STAP2: variants seen among roughly 807,000 people sequenced by gnomAD.
The protein encoded by STAP2 is signal-transducing adaptor protein 2.
A neutral mutation model predicts 52.7 loss-of-function variants in STAP2; 58 were observed. The ratio of observed to expected loss-of-function variants is 1.10; its 90% confidence interval spans 0.89 to 1.37. The LOEUF is 1.37. Among genes scored for constraint, STAP2 ranks in the 40% most tolerant of loss-of-function variants. STAP2 has a pLI of 0.00. For missense variants in STAP2, 522 were observed against 519.4 expected (o/e 1.00, Z -0.05); for synonymous variants, 231 against 210.5 (o/e 1.10, Z -0.84).
rs1234065277 is a variant in STAP2 at position 4,328,820 on chromosome 19, C to T, written c.456-11G>A. The T allele has an allele frequency of 2.5e-6, 4 of 1,604,732 alleles. No homozygotes were observed. Among genetic ancestry groups the T allele is most frequent in the African/African-American group, 2.7e-5 (2 of 74,728 alleles). On this transcript the variant is annotated splice_polypyrimidine_tract_variant and intron_variant, in intron 5 of 12. Coordinates refer to ENST00000594605, the MANE Select transcript of STAP2 (RefSeq NM_001013841.2). The stretch of plus-strand genomic sequence containing the variant: ...ACCTTCAGGAAGCACCTGTGGCGGG[C>T]CGCGTCACCCACTCGGGACCCCGGA...
intron 1 of STAP2, among the ~76,000 whole-genome samples, chr19:4,337,605 G>C (rs887119222): frequency 6.7e-6 from 1 of 149,810 alleles, no homozygotes. Flanking sequence ...CCAGCATTTA[G>C]AGAGGCCGAG....
intron 1 of STAP2, among the ~76,000 whole-genome samples, chr19:4,335,482 A>G (rs560537059): frequency 6.6e-6 from 1 of 151,252 alleles, no homozygotes; most frequent in African/African-American, 2.4e-5. Flanking sequence ...ATCCACCCAC[A>G]CATCCTCTCA....
intron 6 of STAP2, among the ~76,000 whole-genome samples, chr19:4,328,008 T>A (rs113710986): frequency 0.019 from 2,876 of 151,922 alleles, 67 homozygotes; most frequent in African/African-American, 0.054. Flanking sequence ...TTTGACTTCA[T>A]CCCCTCCAGT....
At chr19:4,335,153 ATCATCCATCCACCTAC>A (rs1417530048) in intron 1 of STAP2, among the ~76,000 whole-genome samples, 2 of 135,912 alleles carry the variant, frequency 1.5e-5, no homozygotes, top group African/African-American at 5.7e-5. Context: ...GCATCCCTCC[ATCATCCATCCACCTAC>A]TCATCCATCC....
rs1971839557 is a variant in STAP2 at position 4,328,741 on chromosome 19, A to G, written c.524T>C (p.Leu175Pro). 2.5e-6 allele frequency: 4 copies of G among 1,609,862 alleles called. No individual in the cohort carries two copies. Among genetic ancestry groups the G allele is most frequent in the Non-Finnish European group, 3.4e-6 (4 of 1,178,850 alleles). ...LLERYPECGN[L>P]LLRPSGDGAD... ...GCCGTCCCCGCTGGGCCGCAGCAGC[A>G]GGTTCCCGCACTCGGGGTAGCGCTC... The change falls in exon 6 of 13, where the codon CTG becomes CCG. Residue 175 changes from leucine to proline, a missense_variant. Coordinates refer to ENST00000594605, the MANE Select transcript of STAP2 (RefSeq NM_001013841.2).
At chr19:4,332,161 T>C (rs1971902318) in intron 3 of STAP2, 83 bp from the exon 4 acceptor site, 3 of 1,044,464 alleles carry the variant, frequency 2.9e-6, no homozygotes, top group Non-Finnish European at 4.1e-6. Flanking sequence ...GAAGAGTCCC[T>C]GCTTCAAAGG....
chr19:4,330,768 G>A (rs554089126), intron 4 of STAP2, among the ~76,000 whole-genome samples: 2 of 141,890 alleles, frequency 1.4e-5, no homozygotes, highest in Non-Finnish European at 3.0e-5. Context: ...AAGCTGGAGT[G>A]CAGTGGCGCG....
intron 3 of STAP2, 118 bp from the exon 4 acceptor site, chr19:4,332,196 C>CTTTTTTTTTTTTTTTTT (rs58828365): frequency 1.4e-5 from 3 of 218,764 alleles, no homozygotes; most frequent in Admixed American, 1.2e-4. Context: ...TCTTTTTCTT[C>CTTTTTTTTTTTTTTTTT]TTTTTTTTTT....
At chr19:4,328,641 T>TC in intron 6 of STAP2, 34 bp downstream of exon 6, 1 of 732,142 alleles carries the variant, frequency 1.4e-6, no homozygotes, top group Non-Finnish European at 2.2e-6. Flanking sequence ...CCCACCCTCC[T>TC]CCCACCCAGG....
Position 4,329,954 on chromosome 19 carries a change from C to A in STAP2, c.455+7G>T, listed in dbSNP as rs765854413. On this transcript the variant is annotated splice_region_variant and intron_variant, in intron 5 of 12. Coordinates refer to ENST00000594605, the MANE Select transcript of STAP2 (RefSeq NM_001013841.2). ...CTGCAGCCCCTCGGGACAGGCGGGA[C>A]ACTCACGAGGGTGTCTCCAGTGCAC... 1 of 1,611,482 alleles carries A rather than the reference C, an allele frequency of 6.2e-7. No individual in the cohort carries two copies. Among genetic ancestry groups the A allele is most frequent in the South Asian group, 1.1e-5 (1 of 90,992 alleles).
chr19:4,328,935 T>A, intron 5 of STAP2, 126 bp from the exon 6 acceptor site: 1 of 1,335,596 alleles, frequency 7.5e-7, no homozygotes, highest in South Asian at 1.5e-5. Flanking sequence ...CCTGCCCTGC[T>A]CTCCAGACCC....
At position 4,326,928 on chromosome 19, in the gene STAP2, G is replaced by T; in HGVS notation, c.829+14C>A. On this transcript the variant is annotated intron_variant, in intron 9 of 12. Coordinates refer to ENST00000594605, the MANE Select transcript of STAP2 (RefSeq NM_001013841.2). ...CGATCCCTCCCACCTCGGCCCGCGG[G>T]AAGGGGGCGTCACCTGGGCCCGGAG... is the stretch of plus-strand genomic sequence containing the variant. The T allele has an allele frequency of 6.4e-7, 1 of 1,551,100 alleles. No individual in the cohort carries two copies. The highest frequency in any genetic ancestry group is 8.7e-7 in the Non-Finnish European group (1 of 1,146,886).
At chr19:4,335,676 G>A (rs761490377) in intron 1 of STAP2, among the ~76,000 whole-genome samples, 2 of 152,136 alleles carry the variant, frequency 1.3e-5, no homozygotes, top group Admixed American at 6.6e-5. Context: ...ATTAAACACT[G>A]TATTGCTTCA....
At chr19:4,332,849 A>G (rs1328319192) in intron 3 of STAP2, among the ~76,000 whole-genome samples, 1 of 150,598 alleles carries the variant, frequency 6.6e-6, no homozygotes, top group Non-Finnish European at 1.5e-5. Flanking sequence ...TAAATAAAAT[A>G]AAATAATAGA....
chr19:4,333,903 A>G (rs1341478963), intron 2 of STAP2, 70 bp downstream of exon 2: 1 of 1,611,440 alleles, frequency 6.2e-7, no homozygotes, highest in Non-Finnish European at 8.5e-7. Context: ...TGACCACACC[A>G]TCTACATTGT....
rs994155393 is a variant in STAP2, at chr19:4,338,557, GC to G, written c.102+94del. ...TCCTGCCCCATCCAGCACCCACCCC[GC>G]CCCCCCTTGGCGAGTGGGGAGACAG... On this transcript the variant is annotated intron_variant, in intron 1 of 12. Coordinates refer to ENST00000594605, the MANE Select transcript of STAP2 (RefSeq NM_001013841.2). 5.7e-5 allele frequency: 13 copies of G among 226,694 alleles called. 1 individual carries two copies. The highest frequency in any genetic ancestry group is 1.4e-4 in the East Asian group (1 of 6,966). The allele number at this position is 226,694 out of a possible 1,614,324, so 14.0% of individuals were successfully genotyped here.
chr19:4,331,793 G>T (rs1254048064), intron 4 of STAP2, among the ~76,000 whole-genome samples: 1 of 152,022 alleles, frequency 6.6e-6, no homozygotes, highest in Non-Finnish European at 1.5e-5. Context: ...TTAGCCGGGC[G>T]TGGTGGCGGG....
chr19:4,326,525 C>T (rs1971794917), intron 9 of STAP2, among the ~76,000 whole-genome samples: 1 of 152,142 alleles, frequency 6.6e-6, no homozygotes, highest in South Asian at 2.1e-4. Context: ...CACCCGGATT[C>T]TCGGTCCCTG....
In STAP2 at chr19:4,327,017, A is replaced by G. The variant is rs1348003699; in HGVS notation, c.764-10T>C. 2 of 1,571,658 alleles carry G rather than the reference A, an allele frequency of 1.3e-6. No individual in the cohort carries two copies. Among genetic ancestry groups the G allele is most frequent in the East Asian group, 2.4e-5 (1 of 42,268 alleles). On this transcript the variant is annotated splice_polypyrimidine_tract_variant and intron_variant, in intron 8 of 12. Coordinates refer to ENST00000594605, the MANE Select transcript of STAP2 (RefSeq NM_001013841.2). ...TCGGCTTCCACGTAGCCTGGAACAG[A>G]GAGGGCGGCCTGGAGGAAGCGCGGC...
Sources: allele counts gnomAD v4.1 joint callset (sites outside exome capture counted in the v4.1 genomes callset), GRCh38; gene constraint gnomAD v4.1.1; transcripts MANE v1.5; gene names NCBI Gene and HGNC (gene_info 2026-07-23, HGNC 2026-07-21).